The following ZNF229 variants were observed in gnomAD, a reference collection of about 807,000 sequenced individuals.
ZNF229 encodes the protein zinc finger protein 229.
Under a neutral mutation model 11.8 loss-of-function variants are expected in ZNF229, and 10 were observed. The ratio of observed to expected loss-of-function variants is 0.85; its 90% CI spans 0.52 to 1.44. The LOEUF is 1.44. Ranked by LOEUF, ZNF229 falls within the 40% of genes most tolerant of loss-of-function variation. The pLI is 0.00. For synonymous variants in ZNF229, 368 were observed against 374.8 expected, an observed-to-expected ratio of 0.98 and a Z score of 0.21; for missense variants, 1,045 against 1,015.1, an observed-to-expected ratio of 1.03 and a Z score of -0.40.
In ZNF229 at chr19:44,430,517, C is replaced by T. The variant is rs779741601; in HGVS notation, c.264G>A (p.Glu88=). ...PLGDKNGKDT[E]YIQDEELRFF... ...ACCTTAATTCTTCATCTTGAATATA[C>T]TCCGTATCCTTTCCATTCTTGTCTC... The change falls in exon 6 of 6, where the codon GAG becomes GAA. Residue 88 remains glutamate, a synonymous_variant. Coordinates refer to ENST00000614049, the MANE Select transcript of ZNF229 (RefSeq NM_014518.4). The T allele has an allele frequency of 2.9e-5, 47 of 1,613,350 alleles. No individual in the cohort carries two copies. The highest frequency in any genetic ancestry group is 1.8e-4 in the Admixed American group (11 of 59,938).
In ZNF229 at chr19:44,435,444, CAAGAGTCCTTTCCTA is replaced by C. The variant is rs567683061; in HGVS notation, c.94-3093_94-3079del. Among the ~76,000 whole-genome samples, 13 of 152,228 alleles carry C rather than the reference CAAGAGTCCTTTCCTA, an allele frequency of 8.5e-5. No homozygotes were observed. In the South Asian group the frequency reaches 1.2e-3, roughly 15 times the overall value. On this transcript the variant is annotated intron_variant, in intron 4 of 5. Transcript: ENST00000614049. Reference sequence around the variant, plus strand: ...TGGAAAGAAACCAGGTGCAAGCTTCCAAGAGTCCTTTCCTACTGAAGTCACACAGATATGCTTAAT... The same window carrying C: ...TGGAAAGAAACCAGGTGCAAGCTTCCCTGAAGTCACACAGATATGCTTAAT...
chr19:44,438,924 G>A (rs780845907), intron 4 of ZNF229, among the ~76,000 whole-genome samples: 2 of 152,130 alleles, frequency 1.3e-5, no homozygotes, highest in African/African-American at 4.8e-5. Flanking sequence ...CCTGAGTTCT[G>A]TGAGCTGCTC....
intron 2 of ZNF229, among the ~76,000 whole-genome samples, chr19:44,444,412 T>G (rs1334664143): frequency 6.6e-6 from 1 of 152,158 alleles, no homozygotes; most frequent in African/African-American, 2.4e-5. Context: ...GACAAGCATC[T>G]TTCTCTCTCC....
Position 44,429,358 on chromosome 19 carries a change from G to A in ZNF229, c.1423C>T (p.His475Tyr), listed in dbSNP as rs750679752. 3 of 1,613,912 alleles carry A rather than the reference G, an allele frequency of 1.9e-6. No individual in the cohort carries two copies. The highest frequency in any genetic ancestry group is 2.5e-6 in the Non-Finnish European group (3 of 1,179,966). Residue 475 changes from histidine to tyrosine, a missense_variant, in exon 6 of 6, where the codon CAC (histidine) becomes TAC (tyrosine). His to Tyr is a moderately conservative substitution (Grantham distance 83). Coordinates refer to ENST00000614049, the MANE Select transcript of ZNF229 (RefSeq NM_014518.4). The part of the protein sequence containing the change: ...ECGKGFSCSS[H>Y]LSSHQKTHTG... ...TGTGTCTTCTGATGACTGCTGAGGT[G>A]GGAGCTGCAGCTGAATCCCTTTCCA...
chr19:44,442,920 C>T lies in ZNF229; in HGVS notation c.-73G>A. On this transcript the variant is annotated 5_prime_UTR_variant, in exon 3 of 6. Transcript: ENST00000614049. ...CTCTGGTTTTCCTAAGCTGGAGACG[C>T]AGAAGATCCAGGCCTTTTTCATTCC... The T allele has an allele frequency of 6.4e-7, 1 of 1,553,408 alleles. No homozygotes were observed.
Position 44,440,058 on chromosome 19 carries a change from A to G in ZNF229, c.93+2505T>C, listed in dbSNP as rs1020155629. ...CTCACAGTTGTAAACTGCACAGACC[A>G]TCTTAACACACAGGACTCAAAAAGC... On this transcript the variant is annotated intron_variant, in intron 4 of 5. Transcript: ENST00000614049. Among the ~76,000 whole-genome samples, 7 of 152,194 alleles carry G rather than the reference A, an allele frequency of 4.6e-5. 1 individual carries two copies. The highest frequency in any genetic ancestry group is 8.8e-5 in the Non-Finnish European group (6 of 68,028).
At chr19:44,438,281 AT>A (rs1568406390) in intron 4 of ZNF229, among the ~76,000 whole-genome samples, 1 of 152,266 alleles carries the variant, frequency 6.6e-6, no homozygotes, top group Non-Finnish European at 1.5e-5. Flanking sequence ...CAATATACAT[AT>A]GAAAAAGTGC....
At chr19:44,432,592 A>G (rs1279722815) in intron 4 of ZNF229, among the ~76,000 whole-genome samples, 1 of 152,034 alleles carries the variant, frequency 6.6e-6, no homozygotes, top group Admixed American at 6.6e-5. Flanking sequence ...CGCAAGGACA[A>G]AAAAACCAAA....
At position 44,429,731 on chromosome 19, in the gene ZNF229, T is replaced by A. The variant is rs756441943; in HGVS notation, c.1050A>T (p.Arg350Ser). The A allele has an allele frequency of 1.1e-5, 18 of 1,614,022 alleles. No individual in the cohort carries two copies. The East Asian group carries it at 4.0e-4, about 36-fold the overall frequency. ...PRAPVGDMPY[R>S]CDVCGKGFRY... ...TGAACCCCTTTCCACAGACATCACA[T>A]CTATAGGGCATGTCTCCCACAGGGG... The change falls in exon 6 of 6, where the codon AGA (arginine) becomes AGT (serine). Residue 350 changes from arginine (R) to serine (S), a missense_variant. Transcript: ENST00000614049.
chr19:44,430,870 ACTTC>A (rs1971711948), intron 5 of ZNF229, among the ~76,000 whole-genome samples: 1 of 152,176 alleles, frequency 6.6e-6, no homozygotes, highest in Non-Finnish European at 1.5e-5. Context: ...CTATTGTAAC[ACTTC>A]CTATCTGCCA....
chr19:44,428,529 T>G lies in ZNF229; in HGVS notation c.2252A>C (p.Gln751Pro), dbSNP rs375182987. The change falls in exon 6 of 6, where the codon CAG becomes CCG. Residue 751 changes from glutamine to proline, a missense_variant. Coordinates refer to ENST00000614049, the MANE Select transcript of ZNF229 (RefSeq NM_014518.4). ...RCHVCGKGYS[Q>P]SSHLQGHQRV... Reference sequence around the variant, plus strand: ...CTGATGACCTTGAAGATGTGAGCTCTGACTATAGCCCTTCCCACACACGTG... The same window carrying G: ...CTGATGACCTTGAAGATGTGAGCTCGGACTATAGCCCTTCCCACACACGTG... 34 of 1,613,772 alleles carry G rather than the reference T, an allele frequency of 2.1e-5. No individual in the cohort carries two copies. The highest frequency in any genetic ancestry group is 1.8e-4 in the East Asian group (8 of 44,830).
rs1971675306 is a variant in ZNF229 at position 44,429,754 on chromosome 19, G to A, written c.1027C>T (p.Pro343Ser). 2.5e-6 allele frequency: 4 copies of A among 1,614,048 alleles called. No homozygotes were observed. The highest frequency in any genetic ancestry group is 2.5e-6 in the Non-Finnish European group (3 of 1,180,022). The change falls in exon 6 of 6, where the codon CCT becomes TCT. Residue 343 changes from proline to serine, a missense_variant. Transcript: ENST00000614049. Reference protein sequence around the residue: ...NTHIRNHPRAPVGDMPYRCDV... With the variant: ...NTHIRNHPRASVGDMPYRCDV... Reference sequence around the variant, plus strand: ...CATCTATAGGGCATGTCTCCCACAGGGGCTCTGGGGTGGTTACGTATGTGC... The same window carrying A: ...CATCTATAGGGCATGTCTCCCACAGAGGCTCTGGGGTGGTTACGTATGTGC...
At position 44,442,959 on chromosome 19, in the gene ZNF229, G is replaced by T; in HGVS notation, c.-112C>A. The T allele has an allele frequency of 7.8e-7, 1 of 1,282,544 alleles. No individual in the cohort carries two copies. The allele number at this position is 1,282,544 out of a possible 1,614,324, so 79.4% of individuals were successfully genotyped here. ...CTTTTTCATTCCGGAAACTCTCCAA[G>T]CTCTGACAAGTTCCTGTCTCCACCT... On this transcript the variant is annotated 5_prime_UTR_variant, in exon 3 of 6. Coordinates refer to ENST00000614049, the MANE Select transcript of ZNF229 (RefSeq NM_014518.4).
rs770433640 is a variant in ZNF229 at position 44,429,834 on chromosome 19, G to A, written c.947C>T (p.Thr316Ile). ...AHLNRHQRVPTGEKSVKSLER... is the reference protein window; with the variant it reads ...AHLNRHQRVPIGEKSVKSLER... ...AAGACTCTTAACAGATTTCTCTCCT[G>A]TGGGAACTCTTTGATGTCTGTTAAG... is the stretch of plus-strand genomic sequence containing the variant. Residue 316 changes from threonine (T) to isoleucine (I), a missense_variant, in exon 6 of 6, where the codon ACA (threonine) becomes ATA (isoleucine). Physicochemically the swap from Thr to Ile is moderately conservative, Grantham distance 89. Coordinates refer to ENST00000614049, the MANE Select transcript of ZNF229 (RefSeq NM_014518.4). The A allele has an allele frequency of 1.2e-6, 2 of 1,614,010 alleles. No individual in the cohort carries two copies. The highest frequency in any genetic ancestry group is 1.7e-6 in the Non-Finnish European group (2 of 1,179,984).
chr19:44,442,742 C>T (rs1971935641), intron 3 of ZNF229, 72 bp downstream of exon 3: 1 of 1,608,164 alleles, frequency 6.2e-7, no homozygotes, highest in African/African-American at 1.3e-5. Flanking sequence ...GGAAATTCCT[C>T]AACATCCAAC....
chr19:44,442,802 AT>A lies in ZNF229; in HGVS notation c.34+11del. On this transcript the variant is annotated intron_variant, in intron 3 of 5. Transcript: ENST00000614049. ...GATTCTCCCCCCACCCACCCCCTCTATTAGCTGTCACCTCTTTTCTCATGCC... is the reference window on the plus strand; with the variant it reads ...GATTCTCCCCCCACCCACCCCCTCTATAGCTGTCACCTCTTTTCTCATGCC... The A allele has an allele frequency of 5.2e-6, 8 of 1,550,866 alleles. No individual in the cohort carries two copies. The highest frequency in any genetic ancestry group is 7.0e-6 in the Non-Finnish European group (8 of 1,143,432).
intron 5 of ZNF229, 102 bp from the exon 6 acceptor site, chr19:44,430,644 G>T: frequency 8.9e-7 from 1 of 1,124,710 alleles, no homozygotes; most frequent in Non-Finnish European, 1.2e-6. Flanking sequence ...AGAAAAATTA[G>T]GCTTTATGTA....
chr19:44,428,195 G>GT lies in ZNF229; in HGVS notation c.*107dup, dbSNP rs1971614003. On this transcript the variant is annotated 3_prime_UTR_variant, in exon 6 of 6. Coordinates refer to ENST00000614049, the MANE Select transcript of ZNF229 (RefSeq NM_014518.4). ...CAGACTAGAAAATGTAAAATCATCA[G>GT]TTTCTCCTATAGCCCTCCTACATGT... 1 of 1,255,584 alleles carries GT rather than the reference G, an allele frequency of 8.0e-7. No individual in the cohort carries two copies. The highest frequency in any genetic ancestry group is 1.5e-5 in the African/African-American group (1 of 66,600). The allele number at this position is 1,255,584 out of a possible 1,614,324, so 77.8% of individuals were successfully genotyped here.
intron 4 of ZNF229, among the ~76,000 whole-genome samples, chr19:44,433,679 C>T (rs1473415735): frequency 6.6e-6 from 1 of 152,146 alleles, no homozygotes; most frequent in Non-Finnish European, 1.5e-5. Context: ...CAGCGCAATG[C>T]TTCCTGTTTA....
Sources: gnomAD v4.1 joint callset for allele counts (sites outside exome capture counted in the v4.1 genomes callset) on GRCh38, gnomAD v4.1.1 for gene constraint, MANE v1.5 for transcripts, NCBI Gene and HGNC (gene_info 2026-07-23, HGNC 2026-07-21) for gene names.